The following TC2N variants were observed in gnomAD, a reference collection of about 807,000 sequenced individuals.
TC2N encodes tandem C2 domains nuclear protein.
Under a neutral mutation model 61.9 loss-of-function variants are expected in TC2N, and 51 were observed. The ratio of observed to expected loss-of-function variants is 0.82; its 90% CI spans 0.66 to 1.04. TC2N has a LOEUF of 1.04. Among genes scored for constraint, TC2N ranks in the 50% least tolerant of loss-of-function variants. TC2N has a pLI of 0.00. For missense variants in TC2N, 556 were observed against 566.7 expected, an observed-to-expected ratio of 0.98 and a Z score of 0.19; for synonymous variants, 204 against 192.6, an observed-to-expected ratio of 1.06 and a Z score of -0.49.
intron 1 of TC2N, among the ~76,000 whole-genome samples, chr14:91,840,064 C>A (rs528482768): frequency 1.2e-4 from 19 of 152,336 alleles, no homozygotes; most frequent in African/African-American, 3.6e-4. Context: ...CTCCCTCTTT[C>A]CATTCCATGA....
intron 3 of TC2N, among the ~76,000 whole-genome samples, chr14:91,811,248 A>G (rs1414042662): frequency 2.6e-5 from 4 of 152,050 alleles, no homozygotes; most frequent in Non-Finnish European, 5.9e-5. Context: ...CAAAAAGTGG[A>G]TTAATAATGG....
chr14:91,832,290 T>G (rs1240051680), intron 1 of TC2N, among the ~76,000 whole-genome samples: 1 of 150,990 alleles, frequency 6.6e-6, no homozygotes, highest in African/African-American at 2.4e-5. Flanking sequence ...CTCAGGAGGC[T>G]GAGACAGGAG....
intron 1 of TC2N, among the ~76,000 whole-genome samples, chr14:91,814,729 T>C (rs776584880): frequency 3.3e-5 from 5 of 151,418 alleles, no homozygotes; most frequent in African/African-American, 1.2e-4. Flanking sequence ...TTTAGGAACA[T>C]TGGTCAAAGA....
intron 1 of TC2N, among the ~76,000 whole-genome samples, chr14:91,832,433 C>T (rs936952290): frequency 6.7e-6 from 1 of 148,348 alleles, no homozygotes; most frequent in Non-Finnish European, 1.5e-5. Context: ...AAAACAACAA[C>T]AAAAAAATGG....
At chr14:91,820,243 C>T (rs1887182479) in intron 1 of TC2N, among the ~76,000 whole-genome samples, 1 of 151,960 alleles carries the variant, frequency 6.6e-6, no homozygotes, top group Non-Finnish European at 1.5e-5. Flanking sequence ...ACTGGCAAGC[C>T]AAATCCAGAA....
intron 11 of TC2N, among the ~76,000 whole-genome samples, chr14:91,783,984 C>T (rs941917721): frequency 6.6e-6 from 1 of 151,860 alleles, no homozygotes; most frequent in African/African-American, 2.4e-5. Context: ...ACAAATAATC[C>T]CAGTATGTAA....
At chr14:91,820,452 C>A (rs561185273) in intron 1 of TC2N, among the ~76,000 whole-genome samples, 1 of 151,638 alleles carries the variant, frequency 6.6e-6, no homozygotes, top group Non-Finnish European at 1.5e-5. Context: ...AGAAGAGAAT[C>A]TTTCAACATA....
At chr14:91,843,824 C>T (rs995685420) in intron 1 of TC2N, among the ~76,000 whole-genome samples, 7 of 152,128 alleles carry the variant, frequency 4.6e-5, no homozygotes, top group South Asian at 2.1e-4. Context: ...TTAGTTTACA[C>T]GTTAGTCTCT....
intron 1 of TC2N, among the ~76,000 whole-genome samples, chr14:91,858,731 T>C (rs1888533009): frequency 6.6e-6 from 1 of 152,122 alleles, no homozygotes; most frequent in Non-Finnish European, 1.5e-5. Flanking sequence ...GTGGCCCTAG[T>C]CACCAGGGAT....
chr14:91,856,620 C>T (rs184020166), intron 1 of TC2N, among the ~76,000 whole-genome samples: 12 of 152,274 alleles, frequency 7.9e-5, no homozygotes, highest in African/African-American at 2.9e-4. Flanking sequence ...TATACTGTGG[C>T]TGTTTGTTCA....
At chr14:91,797,704 T>C (rs1283316097) in intron 8 of TC2N, 81 bp downstream of exon 8, 1 of 927,362 alleles carries the variant, frequency 1.1e-6, no homozygotes, top group African/African-American at 1.7e-5. Context: ...TTTCTTATTC[T>C]GACTTGTTTA....
rs1299537129 is a variant in TC2N, at chr14:91,781,793, T to C, written c.*1307A>G. 1 of 152,094 alleles carries C rather than the reference T, an allele frequency of 6.6e-6. No individual in the cohort carries two copies. Among genetic ancestry groups the C allele is most frequent in the Non-Finnish European group, 1.5e-5 (1 of 67,976 alleles). 9.4% of individuals were successfully genotyped at this position (152,094 alleles called of 1,614,324 possible). On this transcript the variant is annotated 3_prime_UTR_variant, in exon 12 of 12. Transcript: ENST00000435962. ...GTGGACATTTTGTAGCTTGAGGAGA[T>C]GGCACCTAGGGAAAAGAGAATTAAG...
rs376346398 is a variant in TC2N, at chr14:91,780,686, C to T, written c.*2414G>A. Reference sequence around the variant, plus strand: ...CATCATTATGATTTCCTTCTCCTTGCGTAAGTGGGTAAAGGTCAAGAAATG... The same window carrying T: ...CATCATTATGATTTCCTTCTCCTTGTGTAAGTGGGTAAAGGTCAAGAAATG... On this transcript the variant is annotated 3_prime_UTR_variant, in exon 12 of 12. Coordinates refer to ENST00000435962, the MANE Select transcript of TC2N (RefSeq NM_001128596.3). The T allele has an allele frequency of 2.0e-5, 3 of 152,234 alleles. No homozygotes were observed. The highest frequency in any genetic ancestry group is 2.9e-5 in the Non-Finnish European group (2 of 68,008). The allele number at this position is 152,234 out of a possible 1,614,324, so 9.4% of individuals were successfully genotyped here.
intron 3 of TC2N, among the ~76,000 whole-genome samples, chr14:91,806,401 G>A (rs1886509658): frequency 6.6e-6 from 1 of 152,166 alleles, no homozygotes; most frequent in Admixed American, 6.5e-5. Flanking sequence ...GGGAAAGTTA[G>A]GAACTGCCTA....
chr14:91,861,522 G>C (rs1334346914), intron 1 of TC2N, among the ~76,000 whole-genome samples: 1 of 152,228 alleles, frequency 6.6e-6, no homozygotes, highest in Non-Finnish European at 1.5e-5. Context: ...ACAGACGGAG[G>C]GGAAGGTGGG....
In TC2N at chr14:91,781,052, CA is replaced by C. The variant is rs1885098263; in HGVS notation, c.*2047del. The C allele has an allele frequency of 6.6e-6, 1 of 151,920 alleles. No individual in the cohort carries two copies. Among genetic ancestry groups the C allele is most frequent in the South Asian group, 2.1e-4 (1 of 4,824 alleles). 9.4% of individuals were successfully genotyped at this position (151,920 alleles called of 1,614,324 possible). ...TCCCTTAAATTATACATCATACATA[CA>C]TTGTAAGAATATAGAAAATTAAATA... On this transcript the variant is annotated 3_prime_UTR_variant, in exon 12 of 12. Coordinates refer to ENST00000435962, the MANE Select transcript of TC2N (RefSeq NM_001128596.3).
intron 1 of TC2N, among the ~76,000 whole-genome samples, chr14:91,821,399 G>C (rs12589636): frequency 0.29 from 43,864 of 151,674 alleles, 6,739 homozygotes; most frequent in Middle Eastern, 0.37. Flanking sequence ...AATGGTGCTA[G>C]GACACTGAAT....
At chr14:91,818,565 G>T (rs1887107527) in intron 1 of TC2N, among the ~76,000 whole-genome samples, 1 of 151,630 alleles carries the variant, frequency 6.6e-6, no homozygotes, top group Non-Finnish European at 1.5e-5. Flanking sequence ...CCATAATGAA[G>T]AGGAAAAAAA....
At chr14:91,851,127 C>T (rs755260840) in intron 1 of TC2N, among the ~76,000 whole-genome samples, 1 of 152,064 alleles carries the variant, frequency 6.6e-6, no homozygotes, top group Non-Finnish European at 1.5e-5. Flanking sequence ...ATGTAATGTG[C>T]TTGAATCATC....
Sources: allele counts gnomAD v4.1 joint callset (sites outside exome capture counted in the v4.1 genomes callset), GRCh38; gene constraint gnomAD v4.1.1; transcripts MANE v1.5; gene names NCBI Gene and HGNC (gene_info 2026-07-23, HGNC 2026-07-21).